Variants in GRIP1 observed in about 807,000 individuals in gnomAD.
GRIP1 encodes glutamate receptor-interacting protein 1.
A neutral mutation model predicts 129.9 loss-of-function variants in GRIP1; 45 were observed. The ratio of observed to expected loss-of-function variants is 0.35; its 90% confidence interval spans 0.27 to 0.44. The LOEUF is 0.44. Among genes scored for constraint, GRIP1 ranks in the 20% least tolerant of loss-of-function variants. The pLI, the probability that GRIP1 is intolerant of heterozygous loss-of-function variation, is 1.00. For synonymous variants in GRIP1, 530 were observed against 520.8 expected, an observed-to-expected ratio of 1.02 and a Z score of -0.24; for missense variants, 1,196 against 1,396.8, an observed-to-expected ratio of 0.86 and a Z score of 2.29.
intron 9 of GRIP1, among the ~76,000 whole-genome samples, chr12:66,458,253 T>A: frequency 6.6e-6 from 1 of 152,166 alleles, no homozygotes; most frequent in Non-Finnish European, 1.5e-5. Flanking sequence ...TGCCACCTCC[T>A]TCATCTAGGC....
At chr12:66,375,687 T>A (rs2055751392) in intron 22 of GRIP1, among the ~76,000 whole-genome samples, 1 of 152,214 alleles carries the variant, frequency 6.6e-6, no homozygotes, top group African/African-American at 2.4e-5. Context: ...TACAGCAAAT[T>A]CATAGGCTGT....
chr12:67,024,698 T>C (rs562164084), intron 1 of GRIP1, among the ~76,000 whole-genome samples: 1 of 152,330 alleles, frequency 6.6e-6, no homozygotes, highest in East Asian at 1.9e-4. Flanking sequence ...CTAAACTCTC[T>C]TAGAAACTTA....
At chr12:66,514,210 C>T (rs12099827) in intron 7 of GRIP1, among the ~76,000 whole-genome samples, 107,052 of 152,102 alleles carry the variant, frequency 0.7, 38,800 homozygotes, top group African/African-American at 0.89. Context: ...ATTTTGTTCA[C>T]CTTCTTCCTG....
At chr12:66,407,376 C>G (rs1372777618) in intron 15 of GRIP1, 7 of 152,126 alleles carry the variant, frequency 4.6e-5, no homozygotes, top group East Asian at 1.9e-4. Context: ...TTATAAGAAC[C>G]AAAAATCAGA....
In GRIP1 at chr12:66,399,712, A is replaced by G. The variant is rs542945020; in HGVS notation, c.1985-5360T>C. ...GAGTGCTGCCTGTTTAACAAAATGA[A>G]TGCTATCTGGCTTGAATCCATAATG... On this transcript the variant is annotated intron_variant, in intron 16 of 24. Coordinates refer to ENST00000359742, the MANE Select transcript of GRIP1 (RefSeq NM_001366722.1). Among the ~76,000 whole-genome samples, 7 of 152,050 alleles carry G rather than the reference A, an allele frequency of 4.6e-5. No homozygotes were observed. The South Asian group carries it at 1.5e-3, about 32-fold the overall frequency.
At chr12:66,371,114 C>T (rs1417115344) in intron 23 of GRIP1, among the ~76,000 whole-genome samples, 2 of 151,394 alleles carry the variant, frequency 1.3e-5, no homozygotes, top group East Asian at 3.9e-4. Context: ...CTCCGTGTGA[C>T]ATTGGAGCCT....
intron 1 of GRIP1, among the ~76,000 whole-genome samples, chr12:67,011,702 T>C (rs1216395207): frequency 6.6e-6 from 1 of 152,172 alleles, no homozygotes; most frequent in East Asian, 1.9e-4. Context: ...GTTCTCCTTC[T>C]TATTCTTTCA....
chr12:67,032,499 T>G (rs977762171), intron 1 of GRIP1, among the ~76,000 whole-genome samples: 6 of 152,154 alleles, frequency 3.9e-5, no homozygotes, highest in Admixed American at 6.6e-5. Context: ...TGTTCCTAAT[T>G]TTTTCCCCTA....
At chr12:66,939,025 G>T (rs544714791) in intron 1 of GRIP1, among the ~76,000 whole-genome samples, 31 of 92,840 alleles carry the variant, frequency 3.3e-4, no homozygotes, top group Admixed American at 2.7e-3. Context: ...GAGGAAAAAG[G>T]GGGTATAGTT....
At chr12:66,966,772 T>A (rs1217925454) in intron 1 of GRIP1, among the ~76,000 whole-genome samples, 1 of 152,186 alleles carries the variant, frequency 6.6e-6, no homozygotes, top group African/African-American at 2.4e-5. Context: ...GTTATCTTTA[T>A]CACATCATAC....
chr12:67,038,990 A>T (rs543723023), intron 1 of GRIP1, among the ~76,000 whole-genome samples: 1 of 149,912 alleles, frequency 6.7e-6, no homozygotes, highest in African/African-American at 2.4e-5. Context: ...AAATCCCTAT[A>T]TGTAATAAGA....
chr12:66,635,590 G>A (rs764047663), intron 1 of GRIP1, among the ~76,000 whole-genome samples: 12 of 151,896 alleles, frequency 7.9e-5, no homozygotes, highest in African/African-American at 1.2e-4. Flanking sequence ...AGAAAACATC[G>A]TAAATTCCAT....
chr12:66,439,887 T>C (rs571478368), intron 13 of GRIP1, among the ~76,000 whole-genome samples: 7 of 151,220 alleles, frequency 4.6e-5, no homozygotes, highest in Admixed American at 2.6e-4. Context: ...ACTTGGCAGC[T>C]GAGGTCTCCT....
At chr12:67,012,099 G>T (rs893551056) in intron 1 of GRIP1, among the ~76,000 whole-genome samples, 12 of 152,144 alleles carry the variant, frequency 7.9e-5, no homozygotes, top group Admixed American at 7.9e-4. Context: ...ACAATAAGCA[G>T]TTGTTGAATG....
At chr12:66,691,257 G>GT (rs2034973919) in intron 1 of GRIP1, among the ~76,000 whole-genome samples, 1 of 152,272 alleles carries the variant, frequency 6.6e-6, no homozygotes, top group Admixed American at 6.5e-5. Context: ...TCAGTCATTT[G>GT]TATCTGTGGT....
At chr12:67,010,805 G>C (rs1367473913) in intron 1 of GRIP1, among the ~76,000 whole-genome samples, 1 of 151,784 alleles carries the variant, frequency 6.6e-6, no homozygotes, top group Non-Finnish European at 1.5e-5. Context: ...CCTCCTTCCT[G>C]AAACACTGTC....
chr12:66,686,246 C>T (rs1326479390), intron 1 of GRIP1, among the ~76,000 whole-genome samples: 2 of 152,154 alleles, frequency 1.3e-5, no homozygotes, highest in Non-Finnish European at 2.9e-5. Flanking sequence ...CCCTGTTGTT[C>T]ACCAAATATG....
chr12:66,469,256 T>A (rs960438888), intron 7 of GRIP1, among the ~76,000 whole-genome samples: 3 of 152,170 alleles, frequency 2.0e-5, no homozygotes, highest in African/African-American at 7.2e-5. Flanking sequence ...TCCCTAGTCA[T>A]TACAATCTGT....
intron 1 of GRIP1, among the ~76,000 whole-genome samples, chr12:66,856,558 C>T (rs1200223425): frequency 7.9e-5 from 12 of 151,950 alleles, no homozygotes; most frequent in Admixed American, 3.3e-4. Context: ...AAAAAGTGGG[C>T]GAAGAATATG....
Sources: gnomAD v4.1 joint callset for allele counts (sites outside exome capture counted in the v4.1 genomes callset) on GRCh38, gnomAD v4.1.1 for gene constraint, MANE v1.5 for transcripts, NCBI Gene and HGNC (gene_info 2026-07-23, HGNC 2026-07-21) for gene names.